Variants in LOC128462377 observed in about 807,000 individuals in gnomAD.
chr16:89,337,653 G>T, the LOC128462377 span, among the ~76,000 whole-genome samples: 15 of 151,962 alleles, frequency 9.9e-5, no homozygotes, highest in African/African-American at 3.6e-4. Flanking sequence ...TGTTAGCCAG[G>T]ATGGTCTCAA....
chr16:89,344,808 C>T, the LOC128462377 span, among the ~76,000 whole-genome samples: 1 of 152,280 alleles, frequency 6.6e-6, no homozygotes. Context: ...AGCAGCAGCT[C>T]CCACCCAATA....
chr16:89,324,811 G>T, the LOC128462377 span: 2 of 285,194 alleles, frequency 7.0e-6, no homozygotes, highest in African/African-American at 2.3e-5. Context: ...TGAGGTTTGG[G>T]GACTCGGACT....
At chr16:89,362,865 T>C in the LOC128462377 span, among the ~76,000 whole-genome samples, 4 of 152,106 alleles carry the variant, frequency 2.6e-5, no homozygotes, top group African/African-American at 9.7e-5. Flanking sequence ...TGCCTTTGCC[T>C]CTTTTAAAAA....
chr16:89,352,882 G>A, the LOC128462377 span, among the ~76,000 whole-genome samples: 4 of 152,236 alleles, frequency 2.6e-5, no homozygotes, highest in South Asian at 4.1e-4. Flanking sequence ...TTTCTCTCAC[G>A]GCTTGTTCTA....
At chr16:89,388,892 A>C in the LOC128462377 span, among the ~76,000 whole-genome samples, 5 of 152,236 alleles carry the variant, frequency 3.3e-5, no homozygotes, top group Admixed American at 1.3e-4. Context: ...GCAACAGCTG[A>C]AAGGGACAAA....
the LOC128462377 span, among the ~76,000 whole-genome samples, chr16:89,408,099 C>T: frequency 6.6e-6 from 1 of 152,126 alleles, no homozygotes; most frequent in Non-Finnish European, 1.5e-5. Flanking sequence ...CATGTGTGAC[C>T]ACTGGCCAGG....
At chr16:89,414,640 C>T in the LOC128462377 span, among the ~76,000 whole-genome samples, 8 of 152,292 alleles carry the variant, frequency 5.3e-5, no homozygotes, top group Non-Finnish European at 7.4e-5. Context: ...GACTGAGGCT[C>T]GGAGAGTGGA....
the LOC128462377 span, among the ~76,000 whole-genome samples, chr16:89,365,765 A>C: frequency 6.6e-6 from 1 of 151,994 alleles, no homozygotes; most frequent in Non-Finnish European, 1.5e-5. Context: ...TACGTAGGTA[A>C]ACTTGTGTCA....
the LOC128462377 span, among the ~76,000 whole-genome samples, chr16:89,350,617 T>C: frequency 8.5e-5 from 13 of 152,120 alleles, no homozygotes; most frequent in African/African-American, 3.1e-4. Flanking sequence ...CGAAAGCACA[T>C]CAGCATCCTG....
At chr16:89,322,698 G>A in the LOC128462377 span, among the ~76,000 whole-genome samples, 1 of 152,176 alleles carries the variant, frequency 6.6e-6, no homozygotes, top group African/African-American at 2.4e-5. Context: ...AAGGGGGAGT[G>A]AGGAGGAGCT....
chr16:89,362,006 C>T, the LOC128462377 span, among the ~76,000 whole-genome samples: 1 of 152,150 alleles, frequency 6.6e-6, no homozygotes, highest in Admixed American at 6.5e-5. Flanking sequence ...CAGGAGGACC[C>T]TGAATTTATG....
chr16:89,405,969 G>A, the LOC128462377 span, among the ~76,000 whole-genome samples: 116 of 152,156 alleles, frequency 7.6e-4, 1 homozygote, highest in East Asian at 0.02. Context: ...AACTTACCGG[G>A]CGTGGTGGCA....
At chr16:89,405,539 G>T in the LOC128462377 span, among the ~76,000 whole-genome samples, 8 of 122,554 alleles carry the variant, frequency 6.5e-5, no homozygotes, top group Admixed American at 7.8e-4. Flanking sequence ...TCACTATGTT[G>T]TCCGGGCTGG....
the LOC128462377 span, among the ~76,000 whole-genome samples, chr16:89,366,175 G>T: frequency 2.7e-5 from 4 of 148,942 alleles, no homozygotes; most frequent in African/African-American, 7.4e-5. Context: ...TCTTTTTCAT[G>T]GCTGCACAGT....
At chr16:89,356,085 A>G in the LOC128462377 span, among the ~76,000 whole-genome samples, 1 of 152,256 alleles carries the variant, frequency 6.6e-6, no homozygotes, top group Non-Finnish European at 1.5e-5. Context: ...GTCTCAAAAC[A>G]AATACAAGAA....
At chr16:89,366,479 C>T in the LOC128462377 span, among the ~76,000 whole-genome samples, 4 of 152,188 alleles carry the variant, frequency 2.6e-5, no homozygotes, top group Non-Finnish European at 5.9e-5. Flanking sequence ...TCCACAGACT[C>T]GCCAGCATCT....
chr16:89,376,480 C>A, the LOC128462377 span, among the ~76,000 whole-genome samples: 1 of 152,198 alleles, frequency 6.6e-6, no homozygotes, highest in African/African-American at 2.4e-5. Flanking sequence ...TTCCGTCACC[C>A]AGGCTGGAGT....
chr16:89,344,597 G>C, the LOC128462377 span, among the ~76,000 whole-genome samples: 1 of 152,246 alleles, frequency 6.6e-6, no homozygotes, highest in Non-Finnish European at 1.5e-5. Flanking sequence ...AGCCCACAAT[G>C]CAAGCGTCCG....
the LOC128462377 span, chr16:89,343,731 T>C: frequency 6.6e-6 from 1 of 152,300 alleles, no homozygotes; most frequent in Non-Finnish European, 1.5e-5. Context: ...TCACAGCTCA[T>C]GTTTTCAAGG....
Sources: allele counts gnomAD v4.1 joint callset (sites outside exome capture counted in the v4.1 genomes callset), GRCh38; gene constraint gnomAD v4.1.1; transcripts MANE v1.5.